Variants in SPATA6 observed in about 807,000 individuals in gnomAD.
The protein encoded by SPATA6 is spermatogenesis associated 6.
In SPATA6, 56 loss-of-function variants were observed where a neutral mutation model predicts 65.3. That is an observed-to-expected ratio of 0.86 (90% CI 0.69 to 1.07). The LOEUF (loss-of-function observed/expected upper bound fraction) is 1.07. SPATA6 is among the 50% of genes least tolerant of loss of function. The pLI is 0.00. For synonymous variants in SPATA6, 199 were observed against 213.2 expected (o/e 0.93, Z 0.58); for missense variants, 590 against 594.8 (o/e 0.99, Z 0.08).
chr1:48,471,683 G>A (rs1658263005), intron 1 of SPATA6, among the ~76,000 whole-genome samples: 1 of 152,220 alleles, frequency 6.6e-6, no homozygotes, highest in Non-Finnish European at 1.5e-5. Context: ...AGCGAGGAAA[G>A]AACTCTGAAG....
chr1:48,282,788 A>G, the SPATA6 span, among the ~76,000 whole-genome samples: 1 of 152,254 alleles, frequency 6.6e-6, no homozygotes, highest in South Asian at 2.1e-4. Flanking sequence ...TTCCTCAAGG[A>G]TCTAGAACTA....
chr1:48,451,717 T>C lies in SPATA6; in HGVS notation c.190-117A>G, dbSNP rs946690980. ...AGAAACTTTTGACATTATTGAGAAC[T>C]GTCAGTTCCTCTCTCCTTCCCATCA... On this transcript the variant is annotated intron_variant, in intron 2 of 12. Transcript: ENST00000371847. 5.7e-6 allele frequency: 5 copies of C among 883,742 alleles called. No individual in the cohort carries two copies. In the African/African-American group the frequency reaches 6.9e-5, roughly 12 times the overall value. The allele number at this position is 883,742 out of a possible 1,614,324, so 54.7% of individuals were successfully genotyped here. A position where few individuals can be genotyped will look rare whatever the true frequency, so the allele number is the denominator to read the frequency against.
At chr1:48,310,486 T>C (rs548215678) in intron 11 of SPATA6, among the ~76,000 whole-genome samples, 13 of 152,328 alleles carry the variant, frequency 8.5e-5, no homozygotes, top group African/African-American at 2.9e-4. Flanking sequence ...CTGTTTTTCA[T>C]GTTGAAGCAT....
At chr1:48,267,017 A>C in the SPATA6 span, among the ~76,000 whole-genome samples, 78 of 152,254 alleles carry the variant, frequency 5.1e-4, no homozygotes, top group Non-Finnish European at 1.0e-3. Context: ...AGCTATGCTA[A>C]GTAATTATTT....
chr1:48,361,834 T>G (rs763596390), intron 9 of SPATA6, among the ~76,000 whole-genome samples: 1 of 152,168 alleles, frequency 6.6e-6, no homozygotes, highest in Non-Finnish European at 1.5e-5. Flanking sequence ...AACACTACCA[T>G]AATTTTCACT....
intron 1 of SPATA6, among the ~76,000 whole-genome samples, chr1:48,468,847 C>G (rs188512842): frequency 6.6e-6 from 1 of 152,282 alleles, no homozygotes; most frequent in African/African-American, 2.4e-5. Flanking sequence ...TTGGGACAAC[C>G]AGAAAAACTT....
At chr1:48,412,204 T>A (rs1347088371) in intron 4 of SPATA6, among the ~76,000 whole-genome samples, 1 of 152,170 alleles carries the variant, frequency 6.6e-6, no homozygotes, top group African/African-American at 2.4e-5. Flanking sequence ...TTAATATAGA[T>A]GTCATCTATA....
intron 11 of SPATA6, among the ~76,000 whole-genome samples, chr1:48,343,081 C>T (rs1218736320): frequency 6.6e-6 from 1 of 152,086 alleles, no homozygotes; most frequent in African/African-American, 2.4e-5. Flanking sequence ...AAAATGCTCA[C>T]TCAAAAATAT....
intron 3 of SPATA6, among the ~76,000 whole-genome samples, chr1:48,433,086 A>G (rs1451876260): frequency 6.6e-6 from 1 of 152,204 alleles, no homozygotes; most frequent in African/African-American, 2.4e-5. Flanking sequence ...AGTACTCAAA[A>G]TCATAGAGAC....
intron 3 of SPATA6, among the ~76,000 whole-genome samples, chr1:48,413,551 C>CT (rs1302336452): frequency 6.6e-6 from 1 of 151,444 alleles, no homozygotes; most frequent in Non-Finnish European, 1.5e-5. Context: ...ATCCACCCAC[C>CT]TCGGCCTTCC....
chr1:48,381,340 A>G (rs959842303), intron 9 of SPATA6, among the ~76,000 whole-genome samples: 1 of 152,166 alleles, frequency 6.6e-6, no homozygotes, highest in African/African-American at 2.4e-5. Flanking sequence ...ATCACCCAGA[A>G]ACTTGGTAAA....
At chr1:48,312,634 G>C (rs1456390324) in intron 11 of SPATA6, among the ~76,000 whole-genome samples, 2 of 152,072 alleles carry the variant, frequency 1.3e-5, no homozygotes, top group African/African-American at 4.8e-5. Context: ...CTAAAAATCA[G>C]AGCACCTCTC....
intron 11 of SPATA6, among the ~76,000 whole-genome samples, chr1:48,343,453 C>T (rs746150549): frequency 6.6e-6 from 1 of 151,940 alleles, no homozygotes; most frequent in Non-Finnish European, 1.5e-5. Context: ...ACAGATGAAG[C>T]GGAATGAGGA....
chr1:48,451,824 T>A (rs1012016062), intron 2 of SPATA6, among the ~76,000 whole-genome samples: 4 of 152,192 alleles, frequency 2.6e-5, no homozygotes, highest in Non-Finnish European at 5.9e-5. Flanking sequence ...TTCCTCTTGT[T>A]ACCATGATCA....
chr1:48,310,026 A>G (rs1645161356), intron 11 of SPATA6, among the ~76,000 whole-genome samples: 2 of 152,240 alleles, frequency 1.3e-5, no homozygotes, highest in Non-Finnish European at 2.9e-5. Context: ...TCCTACAAAT[A>G]TGAGTGGTAT....
chr1:48,269,776 A>G, the SPATA6 span, among the ~76,000 whole-genome samples: 1 of 151,482 alleles, frequency 6.6e-6, no homozygotes, highest in Non-Finnish European at 1.5e-5. Flanking sequence ...TATAACAAAC[A>G]TAAATAAATC....
Position 48,399,500 on chromosome 1 carries a change from T to A in SPATA6, c.631A>T (p.Ile211Phe), listed in dbSNP as rs372747533. The A allele has an allele frequency of 1.6e-5, 26 of 1,613,268 alleles. No homozygotes were observed. The African/African-American group carries it at 3.5e-4, about 22-fold the overall frequency. The change falls in exon 7 of 13, where the codon ATT becomes TTT. Residue 211 changes from isoleucine to phenylalanine, a missense_variant. Physicochemically the swap from Ile to Phe is conservative, Grantham distance 21 (BLOSUM62 0). Coordinates refer to ENST00000371847, the MANE Select transcript of SPATA6 (RefSeq NM_019073.4). The part of the protein sequence containing the change: ...INAKNYEQPT[I>F]SSKSHSPSPY... ...GATGGAGAGTGTGATTTTGAAGAAA[T>A]TGTAGGCTGTTCGTAGTTTTTTGCA...
At chr1:48,364,546 T>A (rs572074983) in intron 9 of SPATA6, among the ~76,000 whole-genome samples, 1 of 152,372 alleles carries the variant, frequency 6.6e-6, no homozygotes, top group South Asian at 2.1e-4. Context: ...ATTTCTCTGA[T>A]GGCCAGGGAT....
At chr1:48,289,414 G>A in the SPATA6 span, among the ~76,000 whole-genome samples, 1 of 152,322 alleles carries the variant, frequency 6.6e-6, no homozygotes, top group South Asian at 2.1e-4. Context: ...CAGAAAAGCT[G>A]AAAATTCTAA....
Sources: gnomAD v4.1 joint callset for allele counts (sites outside exome capture counted in the v4.1 genomes callset) on GRCh38, gnomAD v4.1.1 for gene constraint, MANE v1.5 for transcripts, NCBI Gene and HGNC (gene_info 2026-07-23, HGNC 2026-07-21) for gene names.